TDRD5: variants seen among roughly 807,000 people sequenced by gnomAD.
TDRD5 encodes tudor domain-containing protein 5.
Under a neutral mutation model 120.6 loss-of-function variants are expected in TDRD5, and 41 were observed. The observed-to-expected ratio is 0.34, with a 90% CI of 0.26 to 0.44. The LOEUF (loss-of-function observed/expected upper bound fraction) is 0.44, where lower values mean the gene tolerates loss of function less well. Among genes scored for constraint, TDRD5 ranks in the 20% least tolerant of loss-of-function variants. The pLI, the probability that TDRD5 is intolerant of heterozygous loss-of-function variation, is 1.00. For missense variants in TDRD5, 1,006 were observed against 1,221.2 expected, an observed-to-expected ratio of 0.82 and a Z score of 2.63; for synonymous variants, 430 against 433.7, an observed-to-expected ratio of 0.99 and a Z score of 0.11.
chr1:179,681,513 G>A (rs1680419607), intron 17 of TDRD5, among the ~76,000 whole-genome samples: 4 of 152,018 alleles, frequency 2.6e-5, no homozygotes, highest in Admixed American at 1.3e-4. Flanking sequence ...TTTATGTTTA[G>A]TCACATATTT....
chr1:179,632,512 C>G (rs1677514463), intron 7 of TDRD5, among the ~76,000 whole-genome samples: 1 of 151,302 alleles, frequency 6.6e-6, no homozygotes, highest in South Asian at 2.1e-4. Context: ...AGAACATTTT[C>G]TATTATTTTA....
intron 1 of TDRD5, chr1:179,592,385 C>T: frequency 4.0e-6 from 2 of 497,482 alleles, no homozygotes; most frequent in East Asian, 7.3e-5. Context: ...TGGCCAGGGG[C>T]AGAGTTCTTG....
At chr1:179,610,694 A>G (rs1290116342) in intron 4 of TDRD5, among the ~76,000 whole-genome samples, 1 of 152,140 alleles carries the variant, frequency 6.6e-6, no homozygotes, top group Admixed American at 6.5e-5. Flanking sequence ...ATTTTTGGTT[A>G]CTGACAAAGT....
chr1:179,636,362 T>C (rs982330197), intron 9 of TDRD5, among the ~76,000 whole-genome samples: 2 of 152,212 alleles, frequency 1.3e-5, no homozygotes. Flanking sequence ...TCTCAAATGT[T>C]ATTTGGAATT....
At chr1:179,636,960 C>G (rs1437870678) in intron 9 of TDRD5, among the ~76,000 whole-genome samples, 2 of 152,174 alleles carry the variant, frequency 1.3e-5, no homozygotes. Flanking sequence ...AGGTAAAAAT[C>G]ATGTTTGTGG....
intron 8 of TDRD5, among the ~76,000 whole-genome samples, chr1:179,634,933 C>T (rs968150317): frequency 2.6e-5 from 4 of 152,160 alleles, no homozygotes; most frequent in Admixed American, 6.5e-5. Context: ...TGAGAGGCTT[C>T]GTTTTGGCTG....
chr1:179,630,371 G>T (rs1677367708), intron 6 of TDRD5, among the ~76,000 whole-genome samples: 1 of 152,102 alleles, frequency 6.6e-6, no homozygotes, highest in Non-Finnish European at 1.5e-5. Context: ...GTACATGTCG[G>T]AAGTGATATC....
At chr1:179,653,370 G>A (rs551989496) in intron 13 of TDRD5, among the ~76,000 whole-genome samples, 2 of 152,124 alleles carry the variant, frequency 1.3e-5, no homozygotes, top group South Asian at 2.1e-4. Flanking sequence ...AAAGATAAAG[G>A]CCATTTTGAC....
intron 6 of TDRD5, among the ~76,000 whole-genome samples, chr1:179,628,919 TTTGTTG>T (rs141689839): frequency 6.0e-5 from 9 of 151,182 alleles, no homozygotes; most frequent in Admixed American, 2.6e-4. Flanking sequence ...GACTGAGGAA[TTTGTTG>T]TTGTTGTTGT....
intron 11 of TDRD5, among the ~76,000 whole-genome samples, chr1:179,642,610 G>C (rs1678114875): frequency 6.6e-6 from 1 of 152,112 alleles, no homozygotes; most frequent in South Asian, 2.1e-4. Flanking sequence ...TCTTCATAAT[G>C]CTTTATCACT....
At chr1:179,617,359 A>G (rs554902436) in intron 4 of TDRD5, among the ~76,000 whole-genome samples, 2 of 152,234 alleles carry the variant, frequency 1.3e-5, no homozygotes, top group South Asian at 2.1e-4. Flanking sequence ...TGCTCACACC[A>G]TGTGCCAGGC....
rs926290752 is a variant in TDRD5 at position 179,690,944 on chromosome 1, GGGAGGGAGGGA to G, written c.*10_*20del. 29 of 1,598,738 alleles carry G rather than the reference GGGAGGGAGGGA, an allele frequency of 1.8e-5. No homozygotes were observed. The highest frequency in any genetic ancestry group is 1.7e-4 in the Middle Eastern group (1 of 6,030). Reference sequence around the variant, plus strand: ...CAGTGTGAAAAGGATGGAAGCATGAGGGAGGGAGGGAGGAGGGAGAAAAACAGAATCCAGCC... The same window carrying G: ...CAGTGTGAAAAGGATGGAAGCATGAGGGAGGGAGAAAAACAGAATCCAGCC... On this transcript the variant is annotated 3_prime_UTR_variant, in exon 18 of 18. Coordinates refer to ENST00000444136, the MANE Select transcript of TDRD5 (RefSeq NM_001199085.3).
intron 14 of TDRD5, among the ~76,000 whole-genome samples, chr1:179,654,870 G>A (rs781543990): frequency 1.2e-4 from 18 of 152,198 alleles, no homozygotes; most frequent in Non-Finnish European, 2.1e-4. Flanking sequence ...TGGCTTTGAT[G>A]TGTTAGTTAA....
intron 7 of TDRD5, among the ~76,000 whole-genome samples, chr1:179,631,748 A>C (rs960760779): frequency 1.3e-5 from 2 of 152,048 alleles, no homozygotes; most frequent in African/African-American, 4.8e-5. Flanking sequence ...GCTAGTAACT[A>C]AACTCCAGGC....
At chr1:179,634,176 AC>A (rs201758918) in intron 7 of TDRD5, among the ~76,000 whole-genome samples, 5,594 of 151,050 alleles carry the variant, frequency 0.037, 201 homozygotes, top group East Asian at 0.1. Context: ...ATCTCAAAAA[AC>A]AAAAAAACAA....
At chr1:179,595,892 G>A in intron 4 of TDRD5, 74 bp downstream of exon 4, 2 of 1,395,726 alleles carry the variant, frequency 1.4e-6, no homozygotes, top group Non-Finnish European at 1.9e-6. Context: ...TTGATCTGAT[G>A]GAAAAGTTGA....
At chr1:179,615,371 T>C (rs1027228799) in intron 4 of TDRD5, among the ~76,000 whole-genome samples, 13 of 152,178 alleles carry the variant, frequency 8.5e-5, no homozygotes, top group Non-Finnish European at 1.3e-4. Context: ...GTATTTGAGG[T>C]TGAACTTTAT....
intron 17 of TDRD5, among the ~76,000 whole-genome samples, chr1:179,674,633 A>G (rs1347103609): frequency 1.3e-5 from 2 of 152,108 alleles, no homozygotes; most frequent in African/African-American, 2.4e-5. Flanking sequence ...TCTTCTTTAA[A>G]TGTGTGATAG....
chr1:179,634,225 C>A (rs1018681808), intron 7 of TDRD5, among the ~76,000 whole-genome samples: 2 of 152,018 alleles, frequency 1.3e-5, no homozygotes, highest in Admixed American at 6.6e-5. Flanking sequence ...CCTCCCTCCC[C>A]CTAGCACAAA....
Sources: gnomAD v4.1 joint callset for allele counts (sites outside exome capture counted in the v4.1 genomes callset) on GRCh38, gnomAD v4.1.1 for gene constraint, MANE v1.5 for transcripts, NCBI Gene and HGNC (gene_info 2026-07-23, HGNC 2026-07-21) for gene names.